Variants in TRIM71 observed in about 807,000 individuals in gnomAD.
TRIM71 encodes tripartite motif containing 71.
TRIM71 carries 9 observed loss-of-function variants against 61.2 expected under a neutral mutation model. That is an observed-to-expected ratio of 0.15 (90% CI 0.09 to 0.26). The LOEUF is 0.26. TRIM71 is among the 10% of genes least tolerant of loss of function. The pLI, the probability that TRIM71 is intolerant of heterozygous loss-of-function variation, is 1.00. For synonymous variants in TRIM71, 645 were observed against 553.2 expected, an observed-to-expected ratio of 1.17 and a Z score of -2.33; for missense variants, 998 against 1,238.7, an observed-to-expected ratio of 0.81 and a Z score of 2.92.
In TRIM71 at chr3:32,818,070, C is replaced by G; in HGVS notation, c.-11C>G. 1 of 1,609,798 alleles carries G rather than the reference C, an allele frequency of 6.2e-7. No individual in the cohort carries two copies. Among genetic ancestry groups the G allele is most frequent in the Non-Finnish European group, 8.5e-7 (1 of 1,177,576 alleles). ...TCTCTGGTCTCCTCCCTCCTCCGGG[C>G]TGGGTTGCAAATGGCTTCGTTCCCC... is the stretch of plus-strand genomic sequence containing the variant. On this transcript the variant is annotated 5_prime_UTR_variant, in exon 1 of 4. Coordinates refer to ENST00000383763, the MANE Select transcript of TRIM71 (RefSeq NM_001039111.3).
At chr3:32,858,670 G>C (rs140317947) in intron 1 of TRIM71, among the ~76,000 whole-genome samples, 1 of 152,168 alleles carries the variant, frequency 6.6e-6, no homozygotes, top group Admixed American at 6.5e-5. Flanking sequence ...GGAAAGCCAC[G>C]TAGGGCCTCA....
intron 1 of TRIM71, 120 bp downstream of exon 1, chr3:32,819,052 C>G: frequency 8.7e-7 from 1 of 1,147,530 alleles, no homozygotes. Flanking sequence ...TTTGTATTTC[C>G]TTTGGCTACG....
intron 1 of TRIM71, among the ~76,000 whole-genome samples, chr3:32,850,563 TG>T (rs1215604296): frequency 1.3e-5 from 2 of 152,236 alleles, no homozygotes; most frequent in Non-Finnish European, 2.9e-5. Flanking sequence ...GTCATCCTGA[TG>T]ACTAGAGTCA....
At chr3:32,882,394 G>A (rs1028245886) in intron 2 of TRIM71, among the ~76,000 whole-genome samples, 9 of 152,074 alleles carry the variant, frequency 5.9e-5, no homozygotes, top group African/African-American at 2.2e-4. Flanking sequence ...TAAAAATATA[G>A]AGGGTGCCGG....
At chr3:32,863,280 C>CAT (rs1169016150) in intron 1 of TRIM71, among the ~76,000 whole-genome samples, 25 of 138,260 alleles carry the variant, frequency 1.8e-4, no homozygotes, top group African/African-American at 6.8e-4. Flanking sequence ...GCATACATGG[C>CAT]TCACAGCAGC....
rs561243121 is a variant in TRIM71, at chr3:32,841,137, C to T, written c.852+22205C>T. ...GCGGTCGCCTGTAGTCCTAGCTACTCGGGAAGCTGAGGCAGGAGAATGGCA... is the reference window on the plus strand; with the variant it reads ...GCGGTCGCCTGTAGTCCTAGCTACTTGGGAAGCTGAGGCAGGAGAATGGCA... On this transcript the variant is annotated intron_variant, in intron 1 of 3. Transcript: ENST00000383763. Among the ~76,000 whole-genome samples, 4 of 151,974 alleles carry T rather than the reference C, an allele frequency of 2.6e-5. No homozygotes were observed. In the South Asian group the frequency reaches 6.2e-4, roughly 24 times the overall value.
At position 32,891,460 on chromosome 3, in the gene TRIM71, T is replaced by G. The variant is rs1575362413; in HGVS notation, c.2256T>G (p.Gly752=). 1 of 1,613,800 alleles carries G rather than the reference T, an allele frequency of 6.2e-7. No homozygotes were observed. Residue 752 remains glycine (G), a synonymous_variant, in exon 4 of 4, where the codon GGT becomes GGG. Transcript: ENST00000383763. The surrounding 1 kb of genome is among the most constrained non-coding windows in gnomAD (Gnocchi z 8.2). The part of the protein sequence containing the change: ...ALWKHFDSPR[G]VAFNHEGHLV... ...GGAAGCACTTTGACTCCCCACGGGG[T>G]GTGGCCTTCAACCATGAGGGCCACT... is the stretch of plus-strand genomic sequence containing the variant.
At chr3:32,856,024 T>G (rs1163585509) in intron 1 of TRIM71, among the ~76,000 whole-genome samples, 1 of 149,840 alleles carries the variant, frequency 6.7e-6, no homozygotes, top group East Asian at 2.1e-4. Context: ...ATTTTTGCTT[T>G]TTTGTTTGTT....
intron 1 of TRIM71, among the ~76,000 whole-genome samples, chr3:32,868,190 C>T (rs1696759450): frequency 6.6e-6 from 1 of 152,156 alleles, no homozygotes; most frequent in Admixed American, 6.5e-5. Context: ...GACTGCCTCT[C>T]CTGGCATCCC....
intron 1 of TRIM71, among the ~76,000 whole-genome samples, chr3:32,870,848 G>T (rs553640722): frequency 2.0e-5 from 3 of 152,094 alleles, no homozygotes; most frequent in Admixed American, 2.0e-4. Context: ...CTCTTAGCCC[G>T]TGTTGCCTAG....
intron 1 of TRIM71, among the ~76,000 whole-genome samples, chr3:32,843,078 A>T (rs973150654): frequency 1.3e-5 from 2 of 152,150 alleles, no homozygotes; most frequent in African/African-American, 4.8e-5. Context: ...AGCTGGGTAT[A>T]GGCCTGGAAC....
At position 32,891,090 on chromosome 3, in the gene TRIM71, G is replaced by A. The variant is rs1575362239; in HGVS notation, c.1886G>A (p.Arg629His). The change falls in exon 4 of 4, where the codon CGC (arginine) becomes CAC (histidine). Residue 629 changes from arginine (R) to histidine (H), a missense_variant. Arg to His is a conservative substitution (Grantham distance 29). Around this residue, in one of 5 missense-constraint regions of TRIM71, gnomAD observed 83 missense variants for 202.7 expected, o/e 0.41. Coordinates refer to ENST00000383763, the MANE Select transcript of TRIM71 (RefSeq NM_001039111.3). This position sits in a 1 kb window ranked among gnomAD's most constrained non-coding sequence, Gnocchi z 8.2. ...ATTGTCGCCGACCGCAGCAACAACC[G>A]CATCCAGGTGTTCAAGCCCTGCGGC... ...YIIVADRSNN[R>H]IQVFKPCGAF... 1 of 1,611,530 alleles carries A rather than the reference G, an allele frequency of 6.2e-7. No homozygotes were observed.
chr3:32,818,777 A>C lies in TRIM71; in HGVS notation c.697A>C (p.Thr233Pro). The C allele has an allele frequency of 6.2e-7, 1 of 1,608,110 alleles. No homozygotes were observed. Among genetic ancestry groups the C allele is most frequent in the Non-Finnish European group, 8.5e-7 (1 of 1,178,502 alleles). The change falls in exon 1 of 4, where the codon ACC becomes CCC. Residue 233 changes from threonine to proline, a missense_variant. Thr to Pro is a conservative substitution (Grantham distance 38, BLOSUM62 -1). Around this residue, in one of 5 missense-constraint regions of TRIM71, gnomAD observed 527 missense variants for 427.8 expected, o/e 1.23. Coordinates refer to ENST00000383763, the MANE Select transcript of TRIM71 (RefSeq NM_001039111.3). ...CVRAHQRVRL[T>P]KDHYIERGPP... ...CCGAGCGCACCAGCGCGTGCGCCTC[A>C]CCAAGGACCACTACATCGAGCGCGG... is the stretch of plus-strand genomic sequence containing the variant.
intron 2 of TRIM71, among the ~76,000 whole-genome samples, chr3:32,884,598 C>G (rs1336248430): frequency 2.0e-5 from 3 of 150,882 alleles, no homozygotes; most frequent in East Asian, 1.9e-4. Context: ...TGTAGAGAGA[C>G]AGTAGATTAG....
chr3:32,876,432 A>G (rs1184869403), intron 2 of TRIM71, among the ~76,000 whole-genome samples: 1 of 152,134 alleles, frequency 6.6e-6, no homozygotes, highest in Non-Finnish European at 1.5e-5. Flanking sequence ...AAAAATATAA[A>G]AATTAGCCAG....
At chr3:32,862,427 G>A (rs527790461) in intron 1 of TRIM71, among the ~76,000 whole-genome samples, 1 of 152,306 alleles carries the variant, frequency 6.6e-6, no homozygotes, top group East Asian at 1.9e-4. Context: ...CAGCCACATG[G>A]GTGATTGAAA....
At position 32,847,001 on chromosome 3, in the gene TRIM71, A is replaced by G. The variant is rs1044917718; in HGVS notation, c.853-26817A>G. On this transcript the variant is annotated intron_variant, in intron 1 of 3. Transcript: ENST00000383763. Reference sequence around the variant, plus strand: ...CTGATTTCAGTTATTTGGGGTATATATACCCAGAAGTGGGATTGCTGGATC... The same window carrying G: ...CTGATTTCAGTTATTTGGGGTATATGTACCCAGAAGTGGGATTGCTGGATC... 8.3e-4 allele frequency among the ~76,000 whole-genome samples: 127 copies of G among 152,118 alleles called. 1 individual carries two copies. Among genetic ancestry groups the G allele is most frequent in the African/African-American group, 3.0e-3 (123 of 41,524 alleles).
intron 2 of TRIM71, among the ~76,000 whole-genome samples, chr3:32,881,515 A>G (rs760219873): frequency 6.6e-6 from 1 of 152,166 alleles, no homozygotes; most frequent in African/African-American, 2.4e-5. Context: ...AGTCTCCACC[A>G]TGCTGACTGA....
At chr3:32,836,080 C>T (rs997849981) in intron 1 of TRIM71, among the ~76,000 whole-genome samples, 3 of 152,160 alleles carry the variant, frequency 2.0e-5, no homozygotes, top group Middle Eastern at 3.2e-3. Context: ...GTCCCTGTAA[C>T]CCTCTCTTAT....
Sources: gnomAD v4.1 joint callset for allele counts (sites outside exome capture counted in the v4.1 genomes callset) on GRCh38, gnomAD v4.1.1 for gene constraint, gnomAD v4.1.1 regional missense constraint, Gnocchi (gnomAD v3.1) non-coding constraint, MANE v1.5 for transcripts, NCBI Gene and HGNC (gene_info 2026-07-23, HGNC 2026-07-21) for gene names.